ARHGAP44: variants seen among roughly 807,000 people sequenced by gnomAD.
The protein encoded by ARHGAP44 is rho GTPase-activating protein 44.
Under a neutral mutation model 106.8 loss-of-function variants are expected in ARHGAP44, and 43 were observed. The ratio of observed to expected loss-of-function variants is 0.40; its 90% CI spans 0.32 to 0.52. The LOEUF is 0.52. Among genes scored for constraint, ARHGAP44 ranks in the 20% least tolerant of loss-of-function variants. The pLI is 0.48. For missense variants in ARHGAP44, 866 were observed against 1,050.5 expected (o/e 0.82, Z 2.43); for synonymous variants, 439 against 410.3 (o/e 1.07, Z -0.85).
intron 1 of ARHGAP44, among the ~76,000 whole-genome samples, chr17:12,804,891 C>T (rs1397425504): frequency 1.3e-5 from 2 of 152,194 alleles, no homozygotes; most frequent in Non-Finnish European, 1.5e-5. Flanking sequence ...TTGTCAAATT[C>T]ATTCCTAGAG....
At chr17:12,793,994 T>A (rs1361835766) in intron 1 of ARHGAP44, among the ~76,000 whole-genome samples, 1 of 152,164 alleles carries the variant, frequency 6.6e-6, no homozygotes, top group African/African-American at 2.4e-5. Flanking sequence ...TTTAACGTTG[T>A]GATGGTGGTC....
chr17:12,975,437 A>G (rs1481908947), intron 18 of ARHGAP44, among the ~76,000 whole-genome samples: 6 of 152,164 alleles, frequency 3.9e-5, no homozygotes, highest in Non-Finnish European at 5.9e-5. Context: ...TTTTAGGGGA[A>G]GGAAAAAGAC....
intron 3 of ARHGAP44, among the ~76,000 whole-genome samples, chr17:12,903,264 T>C (rs939548351): frequency 5.3e-5 from 8 of 151,776 alleles, no homozygotes; most frequent in African/African-American, 1.9e-4. Flanking sequence ...GTGCCCAAGA[T>C]AGTTTTAGAG....
At chr17:12,875,167 TG>T (rs1431186600) in intron 1 of ARHGAP44, among the ~76,000 whole-genome samples, 23 of 152,208 alleles carry the variant, frequency 1.5e-4, no homozygotes, top group African/African-American at 5.5e-4. Context: ...TCTATGGGTC[TG>T]AGCTGGGGCC....
At chr17:12,988,425 C>T (rs2040013281) in intron 20 of ARHGAP44, 1 of 152,196 alleles carries the variant, frequency 6.6e-6, no homozygotes, top group South Asian at 2.1e-4. Flanking sequence ...CCGGGCCACT[C>T]AGCCTCACAC....
chr17:12,951,918 A>C (rs1210505600), intron 12 of ARHGAP44, among the ~76,000 whole-genome samples: 1 of 152,144 alleles, frequency 6.6e-6, no homozygotes, highest in Admixed American at 6.5e-5. Flanking sequence ...TGAACCTCTG[A>C]TGAAGCTGAG....
At position 12,958,712 on chromosome 17, in the gene ARHGAP44, C is replaced by T. The variant is rs3213689; in HGVS notation, c.1343-5C>T. The T allele has an allele frequency of 0.096, 154,211 of 1,612,586 alleles. 8,029 individuals are homozygous for T. Among genetic ancestry groups the T allele is most frequent in the Admixed American group, 0.14 (8,132 of 59,830 alleles). The stretch of plus-strand genomic sequence containing the variant: ...TCACATGTACCAATTCTTTCTTCCC[C>T]GCAGAGATAGAGTTCAACATTACTG... On this transcript the variant is annotated splice_polypyrimidine_tract_variant and splice_region_variant and intron_variant, in intron 15 of 20. Coordinates refer to ENST00000379672, the MANE Select transcript of ARHGAP44 (RefSeq NM_014859.6). This position sits in a 1 kb window ranked among gnomAD's most constrained non-coding sequence, Gnocchi z 4.1.
intron 2 of ARHGAP44, among the ~76,000 whole-genome samples, chr17:12,895,890 G>A (rs1405164072): frequency 2.0e-5 from 3 of 152,138 alleles, no homozygotes; most frequent in Non-Finnish European, 4.4e-5. Flanking sequence ...AAGAAAATGT[G>A]GCACATGTAA....
chr17:12,893,533 A>G (rs1038656872), intron 1 of ARHGAP44, among the ~76,000 whole-genome samples: 1 of 152,152 alleles, frequency 6.6e-6, no homozygotes, highest in Non-Finnish European at 1.5e-5. Context: ...GTTGCCTAGT[A>G]GTGATAGACG....
intron 1 of ARHGAP44, among the ~76,000 whole-genome samples, chr17:12,859,304 A>C (rs559435155): frequency 6.6e-6 from 1 of 152,302 alleles, no homozygotes; most frequent in Non-Finnish European, 1.5e-5. Context: ...TGACACCTTG[A>C]ATGTAGACTT....
At chr17:12,889,381 T>C (rs1486227488) in intron 1 of ARHGAP44, among the ~76,000 whole-genome samples, 1 of 152,142 alleles carries the variant, frequency 6.6e-6, no homozygotes, top group Non-Finnish European at 1.5e-5. Flanking sequence ...AAGGCCTTCT[T>C]GAAACATTAT....
chr17:12,823,804 T>C (rs1567632685), intron 1 of ARHGAP44, among the ~76,000 whole-genome samples: 2 of 152,174 alleles, frequency 1.3e-5, no homozygotes, highest in Admixed American at 1.3e-4. Context: ...GTATTCACTG[T>C]CTCCATTTCT....
intron 1 of ARHGAP44, among the ~76,000 whole-genome samples, chr17:12,874,919 G>T (rs1323279542): frequency 6.6e-6 from 1 of 150,940 alleles, no homozygotes; most frequent in Non-Finnish European, 1.5e-5. Flanking sequence ...TATCGGGCAG[G>T]GCAGGATTGG....
Position 12,908,752 on chromosome 17 carries a change from G to A in ARHGAP44, c.199-145G>A, listed in dbSNP as rs1017136914. The A allele has an allele frequency of 6.4e-6, 4 of 621,558 alleles. No homozygotes were observed. In the East Asian group the frequency reaches 1.3e-4, roughly 20 times the overall value. 38.5% of individuals were successfully genotyped at this position (621,558 alleles called of 1,614,324 possible). On this transcript the variant is annotated intron_variant, in intron 3 of 20. Transcript: ENST00000379672. ...AGTCTAACCCATCATGGTGCACTATGAATTTCTATGTTTAAACCTATTTTA... is the reference window on the plus strand; with the variant it reads ...AGTCTAACCCATCATGGTGCACTATAAATTTCTATGTTTAAACCTATTTTA...
chr17:12,878,504 G>A (rs746158339), intron 1 of ARHGAP44, among the ~76,000 whole-genome samples: 1 of 152,146 alleles, frequency 6.6e-6, no homozygotes, highest in Non-Finnish European at 1.5e-5. Context: ...TCATCCTGTG[G>A]AATGACTCAT....
Position 12,789,873 on chromosome 17 carries a change from C to A in ARHGAP44, c.35C>A (p.Ala12Asp). The A allele has an allele frequency of 6.6e-7, 1 of 1,521,196 alleles. No individual in the cohort carries two copies. Among genetic ancestry groups the A allele is most frequent in the Non-Finnish European group, 8.8e-7 (1 of 1,138,094 alleles). 94.2% of individuals were successfully genotyped at this position (1,521,196 alleles called of 1,614,324 possible). A position where few individuals can be genotyped will look rare whatever the true frequency, so the allele number is the denominator to read the frequency against. The change falls in exon 1 of 21, where the codon GCC (alanine) becomes GAC (aspartate). Residue 12 changes from alanine (A) to aspartate (D), a missense_variant. Transcript: ENST00000379672. ...CAGTTCAATCGCATGCGCCAGCTGG[C>A]CAACCAGACGGTGGGCAGGTAGGTC... is the stretch of plus-strand genomic sequence containing the variant. ...KKQFNRMRQL[A>D]NQTVGRAEKT...
intron 10 of ARHGAP44, among the ~76,000 whole-genome samples, chr17:12,947,371 C>T (rs528306968): frequency 4.9e-4 from 74 of 152,258 alleles, no homozygotes; most frequent in African/African-American, 1.8e-3. Flanking sequence ...TGGCCTCTGA[C>T]CACAGGGGCA....
At chr17:12,933,459 G>C (rs1357550208) in intron 7 of ARHGAP44, among the ~76,000 whole-genome samples, 2 of 152,194 alleles carry the variant, frequency 1.3e-5, no homozygotes, top group African/African-American at 4.8e-5. Flanking sequence ...GTGCAGCACT[G>C]CCTTCCTGTG....
At chr17:12,954,162 C>T (rs546167991) in intron 13 of ARHGAP44, among the ~76,000 whole-genome samples, 1 of 151,958 alleles carries the variant, frequency 6.6e-6, no homozygotes, top group African/African-American at 2.4e-5. Context: ...CCTCCCAAAG[C>T]CCTGAGATTA....
Sources: gnomAD v4.1 joint callset for allele counts (sites outside exome capture counted in the v4.1 genomes callset) on GRCh38, gnomAD v4.1.1 for gene constraint, Gnocchi (gnomAD v3.1) non-coding constraint, MANE v1.5 for transcripts, NCBI Gene and HGNC (gene_info 2026-07-23, HGNC 2026-07-21) for gene names.